MCM3AP: variants seen among roughly 807,000 people sequenced by gnomAD.
MCM3AP encodes the protein minichromosome maintenance complex component 3 associated protein, also known as germinal-center associated nuclear protein.
In MCM3AP, 126 loss-of-function variants were observed where a neutral mutation model predicts 184.1. That is an observed-to-expected ratio of 0.68 (90% CI 0.59 to 0.79). The LOEUF (loss-of-function observed/expected upper bound fraction) is 0.79, where lower values mean the gene tolerates loss of function less well. Ranked by LOEUF, MCM3AP falls within the 30% of genes least tolerant of loss-of-function variation. The pLI, the probability that MCM3AP is intolerant of heterozygous loss-of-function variation, is 0.00. For synonymous variants in MCM3AP, 1,002 were observed against 979.3 expected, an observed-to-expected ratio of 1.02 and a Z score of -0.43; for missense variants, 2,496 against 2,479.2, an observed-to-expected ratio of 1.01 and a Z score of -0.14.
Position 46,242,947 on chromosome 21 carries a change from A to G in MCM3AP, c.5297-16T>C. 2 of 1,590,014 alleles carry G rather than the reference A, an allele frequency of 1.3e-6. No individual in the cohort carries two copies. The highest frequency in any genetic ancestry group is 1.7e-6 in the Non-Finnish European group (2 of 1,169,910). ...CTCAGCGCCTCTGAGAAAACAATAC[A>G]AAAACAGATAAAGAGGCCAGCCTGG... On this transcript the variant is annotated splice_polypyrimidine_tract_variant and intron_variant, in intron 24 of 27. Transcript: ENST00000291688.
intron 20 of MCM3AP, among the ~76,000 whole-genome samples, chr21:46,248,828 A>G (rs909028869): frequency 6.6e-6 from 1 of 152,244 alleles, no homozygotes; most frequent in African/African-American, 2.4e-5. Context: ...ACTCTTTCAG[A>G]ACACAGTAGG....
intron 8 of MCM3AP, among the ~76,000 whole-genome samples, chr21:46,272,139 C>G (rs527306247): frequency 7.2e-5 from 11 of 152,146 alleles, no homozygotes; most frequent in African/African-American, 2.7e-4. Context: ...CCCCATTCTT[C>G]GCATTTTTGT....
In MCM3AP at chr21:46,265,405, G is replaced by C. The variant is rs775290327; in HGVS notation, c.3150C>G (p.Thr1050=). 1.2e-6 allele frequency: 2 copies of C among 1,613,912 alleles called. No individual in the cohort carries two copies. The highest frequency in any genetic ancestry group is 2.2e-5 in the South Asian group (2 of 91,084). The change falls in exon 12 of 28, where the codon ACC becomes ACG. Residue 1050 remains threonine, a synonymous_variant. Transcript: ENST00000291688. ...GGAAGAGGCTGGGCGCCACAGACGG[G>C]GTCAGTGCCAGGACAGGAGGCAGAG... ...PVPLPPVLAL[T]PSVAPSLFQL... is the part of the protein sequence containing the mutation.
chr21:46,261,147 G>A (rs1358313721), intron 14 of MCM3AP, 133 bp downstream of exon 14: 2 of 1,178,482 alleles, frequency 1.7e-6, no homozygotes, highest in Admixed American at 1.9e-5. Flanking sequence ...TGAAGCATAG[G>A]AGGGCATGAG....
chr21:46,258,733 T>TTGTGTGTGTGTG (rs1197167264), intron 16 of MCM3AP, among the ~76,000 whole-genome samples: 41 of 72,334 alleles, frequency 5.7e-4, no homozygotes, highest in African/African-American at 7.3e-4. Context: ...TCCCCTTATA[T>TTGTGTGTGTGTG]TGTATGTGTG....
At chr21:46,252,193 GA>G (rs1006702346) in intron 19 of MCM3AP, 2 of 152,682 alleles carry the variant, frequency 1.3e-5, no homozygotes, top group African/African-American at 4.8e-5. Flanking sequence ...TGGGCAGGAG[GA>G]GGGGGCACTC....
Position 46,264,181 on chromosome 21 carries a change from C to A in MCM3AP, c.3271G>T (p.Ala1091Ser). ...ACTTCCTCACAGTCCCTCTGCAGGG[C>A]CTCCTGGATGAGCTCGTCCACCACC... ...AQVVDELIQE[A>S]LQRDCEEVGS... The change falls in exon 13 of 28, where the codon GCC (alanine) becomes TCC (serine). Residue 1091 changes from alanine to serine, a missense_variant. Ala to Ser is a moderately conservative substitution (Grantham distance 99). Transcript: ENST00000291688. 1 of 1,613,760 alleles carries A rather than the reference C, an allele frequency of 6.2e-7. No individual in the cohort carries two copies. The highest frequency in any genetic ancestry group is 8.5e-7 in the Non-Finnish European group (1 of 1,179,910).
chr21:46,282,614 C>G (rs1451682154), intron 2 of MCM3AP, among the ~76,000 whole-genome samples: 4 of 152,004 alleles, frequency 2.6e-5, no homozygotes, highest in Non-Finnish European at 5.9e-5. Flanking sequence ...ACCATCCTGG[C>G]TGACACAGTG....
At chr21:46,278,457 A>G (rs2081282248) in intron 4 of MCM3AP, among the ~76,000 whole-genome samples, 1 of 152,192 alleles carries the variant, frequency 6.6e-6, no homozygotes, top group South Asian at 2.1e-4. Flanking sequence ...AGGAAAATAC[A>G]TTGGCCAAAA....
intron 8 of MCM3AP, among the ~76,000 whole-genome samples, 197 bp downstream of exon 8, chr21:46,272,364 G>A (rs2081191696): frequency 6.6e-6 from 1 of 152,020 alleles, no homozygotes; most frequent in Admixed American, 6.6e-5. Flanking sequence ...CTGGTCCCAG[G>A]GCACACCCCC....
chr21:46,268,841 C>T (rs541107972), intron 9 of MCM3AP, among the ~76,000 whole-genome samples: 7 of 152,272 alleles, frequency 4.6e-5, no homozygotes, highest in Non-Finnish European at 7.4e-5. Flanking sequence ...GCTAGGAGTT[C>T]GAGATCAGCC....
chr21:46,248,657 A>G (rs2080816692), intron 20 of MCM3AP, among the ~76,000 whole-genome samples: 1 of 152,212 alleles, frequency 6.6e-6, no homozygotes, highest in Admixed American at 6.5e-5. Context: ...CGTGAACCAA[A>G]GAAAACTTAG....
intron 13 of MCM3AP, among the ~76,000 whole-genome samples, chr21:46,263,780 CAAAAAAAAAAAAAAAAA>C (rs57674256): frequency 3.2e-4 from 9 of 28,316 alleles, no homozygotes; most frequent in South Asian, 3.3e-3. Context: ...GACTCCATCT[CAAAAAAAAAAAAAAAAA>C]AAAAAAAAAA....
In MCM3AP at chr21:46,243,614, C is replaced by T; in HGVS notation, c.5147G>A (p.Arg1716Lys). 2 of 1,614,252 alleles carry T rather than the reference C, an allele frequency of 1.2e-6. No individual in the cohort carries two copies. Among genetic ancestry groups the T allele is most frequent in the Non-Finnish European group, 1.7e-6 (2 of 1,180,044 alleles). The change falls in exon 24 of 28, where the codon AGA (arginine) becomes AAA (lysine). Residue 1716 changes from arginine to lysine, a missense_variant. Physicochemically the swap from Arg to Lys is conservative, Grantham distance 26. Coordinates refer to ENST00000291688, the MANE Select transcript of MCM3AP (RefSeq NM_003906.5). The part of the protein sequence containing the change: ...LQSQVENLLH[R>K]TYCRWKSKSP... ...CTTGCTCTTCCACCTACAGTAGGTT[C>T]TGTGGAGCAGGTTCTCCACCTGGGA... is the stretch of plus-strand genomic sequence containing the variant.
Position 46,236,842 on chromosome 21 carries a change from G to C in MCM3AP, c.5771C>G (p.Thr1924Ser), listed in dbSNP as rs2080536690. ...CGTTCTTCTCACCTGTGGGCTAGTA[G>C]TTACAGATGTTTTCATCACAGGTTC... Reference protein sequence around the residue: ...TIEPVMKTSVTTSPQSDMMRE... With the variant: ...TIEPVMKTSVSTSPQSDMMRE... Residue 1924 changes from threonine to serine, a missense_variant, in exon 27 of 28, where the codon ACT becomes AGT. Physicochemically the swap from Thr to Ser is moderately conservative, Grantham distance 58. Around this residue, in one of 5 missense-constraint regions of MCM3AP, gnomAD observed 1,323 missense variants for 1,273.4 expected, o/e 1.04. Coordinates refer to ENST00000291688, the MANE Select transcript of MCM3AP (RefSeq NM_003906.5). 1 of 1,555,330 alleles carries C rather than the reference G, an allele frequency of 6.4e-7. No individual in the cohort carries two copies. Among genetic ancestry groups the C allele is most frequent in the African/African-American group, 1.4e-5 (1 of 71,326 alleles).
chr21:46,282,263 A>G (rs1211991785), intron 2 of MCM3AP, among the ~76,000 whole-genome samples: 1 of 152,242 alleles, frequency 6.6e-6, no homozygotes, highest in Non-Finnish European at 1.5e-5. Flanking sequence ...GCAGGGACTC[A>G]AATAAGTCAT....
At chr21:46,239,194 C>T (rs2080602780) in intron 26 of MCM3AP, among the ~76,000 whole-genome samples, 1 of 152,188 alleles carries the variant, frequency 6.6e-6, no homozygotes, top group Non-Finnish European at 1.5e-5. Context: ...GGGCAGATCA[C>T]TCAGGGCCCT....
Position 46,284,124 on chromosome 21 carries a change from G to A in MCM3AP, c.1163C>T (p.Ser388Phe). 6.2e-7 allele frequency: 1 copy of A among 1,614,016 alleles called. No homozygotes were observed. Among genetic ancestry groups the A allele is most frequent in the Non-Finnish European group, 8.5e-7 (1 of 1,179,948 alleles). ...PGGNQSVLAPSRIPGVNKEEE... is the reference protein window; with the variant it reads ...PGGNQSVLAPFRIPGVNKEEE... Reference sequence around the variant, plus strand: ...CTCTTTATTCACACCTGGAATCCGGGAAGGTGCCAGGACAGACTGATTCCC... The same window carrying A: ...CTCTTTATTCACACCTGGAATCCGGAAAGGTGCCAGGACAGACTGATTCCC... The change falls in exon 1 of 28, where the codon TCC becomes TTC. Residue 388 changes from serine to phenylalanine, a missense_variant. By Grantham distance (155) the Ser-to-Phe change is radical. Coordinates refer to ENST00000291688, the MANE Select transcript of MCM3AP (RefSeq NM_003906.5).
chr21:46,238,824 T>C (rs1024091095), intron 26 of MCM3AP, among the ~76,000 whole-genome samples: 8 of 152,244 alleles, frequency 5.3e-5, no homozygotes, highest in Admixed American at 5.2e-4. Flanking sequence ...CTCCAGATGC[T>C]AGGCATCATT....
Sources: allele counts gnomAD v4.1 joint callset (sites outside exome capture counted in the v4.1 genomes callset), GRCh38; gene constraint gnomAD v4.1.1; regional missense constraint gnomAD v4.1.1; transcripts MANE v1.5; gene names NCBI Gene and HGNC (gene_info 2026-07-23, HGNC 2026-07-21).